KIAA0513: variants seen among roughly 807,000 people sequenced by gnomAD.
The protein encoded by KIAA0513 is uncharacterized protein KIAA0513.
Under a neutral mutation model 56.5 loss-of-function variants are expected in KIAA0513, and 39 were observed. The ratio of observed to expected loss-of-function variants is 0.69; its 90% CI spans 0.53 to 0.90. KIAA0513 has a LOEUF of 0.90. Among genes scored for constraint, KIAA0513 ranks in the 40% least tolerant of loss-of-function variants. KIAA0513 has a pLI of 0.00. For synonymous variants in KIAA0513, 268 were observed against 215.6 expected, an observed-to-expected ratio of 1.24 and a Z score of -2.13; for missense variants, 591 against 535.2, an observed-to-expected ratio of 1.10 and a Z score of -1.03.
chr16:85,039,718 C>T (rs986046826), intron 1 of KIAA0513, among the ~76,000 whole-genome samples: 3 of 152,124 alleles, frequency 2.0e-5, no homozygotes, highest in Non-Finnish European at 2.9e-5. Flanking sequence ...AGTGATCCCC[C>T]TGCCTCAGCC....
intron 1 of KIAA0513, among the ~76,000 whole-genome samples, chr16:85,057,839 C>T (rs539210143): frequency 8.6e-5 from 13 of 151,762 alleles, no homozygotes; most frequent in Non-Finnish European, 1.5e-5. Context: ...TTCAAGCCAG[C>T]ACCTGTGAGT....
intron 8 of KIAA0513, among the ~76,000 whole-genome samples, chr16:85,080,965 C>T (rs974744127): frequency 1.3e-5 from 2 of 152,102 alleles, no homozygotes; most frequent in Non-Finnish European, 2.9e-5. Flanking sequence ...GGAGTCCCAA[C>T]GGGAAAGGCA....
Position 85,071,808 on chromosome 16 carries a change from G to A in KIAA0513, c.355G>A (p.Ala119Thr), listed in dbSNP as rs749236295. ...GGAGGACTTGGATCAGGAGGAGAAA[G>A]CCAAGTTTGGAGAGTACTGCAGCAG... is the stretch of plus-strand genomic sequence containing the variant. The part of the protein sequence containing the change: ...GGEDLDQEEK[A>T]KFGEYCSSEN... The change falls in exon 3 of 13, where the codon GCC becomes ACC. Residue 119 changes from alanine to threonine, a missense_variant. Physicochemically the swap from Ala to Thr is moderately conservative, Grantham distance 58 (BLOSUM62 0). Transcript: ENST00000683363. 1.3e-6 allele frequency: 2 copies of A among 1,594,474 alleles called. No individual in the cohort carries two copies. The highest frequency in any genetic ancestry group is 1.1e-5 in the South Asian group (1 of 90,438).
intron 1 of KIAA0513, among the ~76,000 whole-genome samples, chr16:85,043,889 G>C (rs543542812): frequency 6.6e-6 from 1 of 152,260 alleles, no homozygotes; most frequent in East Asian, 1.9e-4. Flanking sequence ...AAAATTAGCC[G>C]GGCGAGGTGG....
chr16:85,071,382 T>C (rs1209617661), intron 2 of KIAA0513, among the ~76,000 whole-genome samples: 1 of 152,226 alleles, frequency 6.6e-6, no homozygotes, highest in African/African-American at 2.4e-5. Flanking sequence ...GCTGGTTCCA[T>C]GCTGACTTCA....
Position 85,078,993 on chromosome 16 carries a change from C to G in KIAA0513, c.892C>G (p.Gln298Glu), listed in dbSNP as rs2073702497. 1.2e-6 allele frequency: 2 copies of G among 1,614,102 alleles called. No individual in the cohort carries two copies. Among genetic ancestry groups the G allele is most frequent in the African/African-American group, 2.7e-5 (2 of 74,936 alleles). Residue 298 changes from glutamine to glutamate, a missense_variant, in exon 8 of 13, where the codon CAG (glutamine) becomes GAG (glutamate). By Grantham distance (29) the Gln-to-Glu change is conservative (BLOSUM62 2). Coordinates refer to ENST00000683363, the MANE Select transcript of KIAA0513 (RefSeq NM_001388359.1). ...CTACCTGTACACGCACCTGAAGCAACAGCCCATCTGGTAAGGCCGAGCCCG... is the reference window on the plus strand; with the variant it reads ...CTACCTGTACACGCACCTGAAGCAAGAGCCCATCTGGTAAGGCCGAGCCCG... ...KIYLYTHLKQ[Q>E]PIWHTLRFWN...
chr16:85,049,880 G>A (rs779521982), intron 1 of KIAA0513, among the ~76,000 whole-genome samples: 3 of 152,198 alleles, frequency 2.0e-5, no homozygotes, highest in Non-Finnish European at 4.4e-5. Flanking sequence ...CAGTAATTAA[G>A]TGTGGCTGTC....
Position 85,053,990 on chromosome 16 carries a change from C to CAAA in KIAA0513, c.-172-12892_-172-12890dup, listed in dbSNP as rs770896525. On this transcript the variant is annotated intron_variant, in intron 1 of 12. Coordinates refer to ENST00000683363, the MANE Select transcript of KIAA0513 (RefSeq NM_001388359.1). ...CTGGCGACAGAGCAAGACTCTGTCT[C>CAAA]AAAAAAAAAAAAAAAAAAAATTAGC... Among the ~76,000 whole-genome samples the CAAA allele has an allele frequency of 7.1e-3, 574 of 80,644 alleles. 10 individuals carry two copies. Among genetic ancestry groups the CAAA allele is most frequent in the Admixed American group, 0.054 (387 of 7,124 alleles). The allele number at this position is 80,644 out of a possible 152,430, so 52.9% of individuals were successfully genotyped here.
intron 1 of KIAA0513, among the ~76,000 whole-genome samples, chr16:85,047,481 A>G (rs961810995): frequency 5.9e-5 from 9 of 152,282 alleles, no homozygotes; most frequent in Middle Eastern, 3.4e-3. Flanking sequence ...TTTTGTGGCC[A>G]AGCAAGAAGA....
chr16:85,049,364 C>T (rs983944323), intron 1 of KIAA0513, among the ~76,000 whole-genome samples: 4 of 152,200 alleles, frequency 2.6e-5, no homozygotes, highest in Non-Finnish European at 4.4e-5. Flanking sequence ...AATCCAAAGA[C>T]GGTGGAGGTT....
At chr16:85,035,100 C>G (rs1323074720) in intron 1 of KIAA0513, among the ~76,000 whole-genome samples, 1 of 152,170 alleles carries the variant, frequency 6.6e-6, no homozygotes, top group Non-Finnish European at 1.5e-5. Flanking sequence ...ACCTGGCTGT[C>G]AAAATCCCAG....
chr16:85,086,865 C>A, intron 11 of KIAA0513, 141 bp downstream of exon 11: 1 of 879,556 alleles, frequency 1.1e-6, no homozygotes, highest in Non-Finnish European at 1.8e-6. Context: ...TCCATGCCAG[C>A]TCATAATTAA....
intron 8 of KIAA0513, 101 bp downstream of exon 8, chr16:85,079,104 A>G: frequency 1.3e-6 from 2 of 1,588,728 alleles, no homozygotes; most frequent in South Asian, 2.2e-5. Context: ...TCAGAATGGC[A>G]GAATTCTCAC....
chr16:85,074,370 A>C (rs2073626283), intron 4 of KIAA0513, among the ~76,000 whole-genome samples: 1 of 151,550 alleles, frequency 6.6e-6, no homozygotes, highest in South Asian at 2.1e-4. Flanking sequence ...ACACATATAT[A>C]TTTAGTAGAG....
chr16:85,087,424 G>C (rs536902033), intron 12 of KIAA0513, among the ~76,000 whole-genome samples: 18 of 152,346 alleles, frequency 1.2e-4, no homozygotes, highest in South Asian at 4.1e-4. Context: ...GGTGTTCACA[G>C]TCAGGGCAGA....
intron 4 of KIAA0513, among the ~76,000 whole-genome samples, chr16:85,074,501 T>G (rs2073628435): frequency 6.6e-6 from 1 of 152,132 alleles, no homozygotes; most frequent in South Asian, 2.1e-4. Flanking sequence ...TGAGTCCCAG[T>G]TCTCCTGCTT....
intron 1 of KIAA0513, among the ~76,000 whole-genome samples, chr16:85,052,818 C>G (rs2073272764): frequency 2.6e-5 from 4 of 152,218 alleles, no homozygotes; most frequent in South Asian, 4.1e-4. Flanking sequence ...GTTGACTCAG[C>G]AAGCGCGCCC....
chr16:85,079,949 G>A (rs890164779), intron 8 of KIAA0513, among the ~76,000 whole-genome samples: 27 of 152,174 alleles, frequency 1.8e-4, no homozygotes, highest in Admixed American at 1.2e-3. Context: ...GCCTCTCCTC[G>A]ACATATTTTA....
chr16:85,065,529 G>A (rs1026201893), intron 1 of KIAA0513, among the ~76,000 whole-genome samples: 1 of 152,200 alleles, frequency 6.6e-6, no homozygotes, highest in East Asian at 1.9e-4. Flanking sequence ...TTCTGACTCA[G>A]GGTATTTAAA....
Sources: allele counts gnomAD v4.1 joint callset (sites outside exome capture counted in the v4.1 genomes callset), GRCh38; gene constraint gnomAD v4.1.1; transcripts MANE v1.5; gene names NCBI Gene and HGNC (gene_info 2026-07-23, HGNC 2026-07-21).